CRB3: variants seen among roughly 807,000 people sequenced by gnomAD.
CRB3 encodes the protein protein crumbs homolog 3.
A neutral mutation model predicts 10.4 loss-of-function variants in CRB3; 4 were observed. The observed-to-expected ratio is 0.39, with a 90% CI of 0.19 to 0.88. CRB3 has a LOEUF of 0.88. CRB3 is among the 40% of genes least tolerant of loss of function. CRB3 has a pLI of 0.39. For synonymous variants in CRB3, 74 were observed against 73.4 expected (o/e 1.01, Z -0.04); for missense variants, 154 against 160.2 (o/e 0.96, Z 0.21).
In CRB3 at chr19:6,465,551, C is replaced by G. The variant is rs146649807; in HGVS notation, c.89C>G (p.Thr30Ser). ...RWGRAWGQIQ[T>S]TSANENSTVL... Reference sequence around the variant, plus strand: ...CTGCCTTCACCCTCCACAGTACAGACCACTTCTGCAAATGAGAATAGCACT... The same window carrying G: ...CTGCCTTCACCCTCCACAGTACAGAGCACTTCTGCAAATGAGAATAGCACT... Residue 30 changes from threonine to serine, a missense_variant, in exon 3 of 4, where the codon ACC (threonine) becomes AGC (serine). Coordinates refer to ENST00000600229, the MANE Select transcript of CRB3 (RefSeq NM_139161.5). 29 of 1,613,684 alleles carry G rather than the reference C, an allele frequency of 1.8e-5. No individual in the cohort carries two copies. In the African/African-American group the frequency reaches 3.5e-4, roughly 19 times the overall value.
At chr19:6,465,314 C>A (rs2092788975) in intron 2 of CRB3, 5 of 559,002 alleles carry the variant, frequency 8.9e-6, no homozygotes, top group South Asian at 8.9e-5. Flanking sequence ...GACTTCTGGA[C>A]ACCCTACTGG....
chr19:6,467,002 C>A lies in CRB3; in HGVS notation c.*330C>A. ...CCCTCAGGACTCCAAGGAGACGGTG[C>A]AGGGCTGCCTGCCCATCTAGGTCCC... On this transcript the variant is annotated 3_prime_UTR_variant, in exon 4 of 4. Transcript: ENST00000600229. The A allele has an allele frequency of 2.5e-6, 4 of 1,613,884 alleles. No individual in the cohort carries two copies. The highest frequency in any genetic ancestry group is 3.4e-6 in the Non-Finnish European group (4 of 1,179,862).
In CRB3 at chr19:6,466,453, C is replaced by G; in HGVS notation, c.157-13C>G. 6.2e-7 allele frequency: 1 copy of G among 1,612,604 alleles called. No homozygotes were observed. The highest frequency in any genetic ancestry group is 8.5e-7 in the Non-Finnish European group (1 of 1,179,472). ...CCAGGCTCAGGTGATTCACACCTGT[C>G]CCCTCTCTGCAGCGTCCAGAAGCCA... is the stretch of plus-strand genomic sequence containing the variant. On this transcript the variant is annotated splice_polypyrimidine_tract_variant and intron_variant, in intron 3 of 3. Transcript: ENST00000600229. This position sits in a 1 kb window ranked among gnomAD's most constrained non-coding sequence, Gnocchi z 4.9.
Position 6,466,370 on chromosome 19 carries a change from T to G in CRB3, c.157-96T>G. ...GCAGATGTGTGTATGTGTGTGTGTG[T>G]GTTGTGGGGTAGGGGGTGATGAGGG... On this transcript the variant is annotated intron_variant, in intron 3 of 3. Coordinates refer to ENST00000600229, the MANE Select transcript of CRB3 (RefSeq NM_139161.5). This position sits in a 1 kb window ranked among gnomAD's most constrained non-coding sequence, Gnocchi z 4.9. The G allele has an allele frequency of 1.1e-6, 1 of 944,350 alleles. No homozygotes were observed. The highest frequency in any genetic ancestry group is 1.7e-6 in the Non-Finnish European group (1 of 593,234). The allele number at this position is 944,350 out of a possible 1,614,324, so 58.5% of individuals were successfully genotyped here. A position where few individuals can be genotyped will look rare whatever the true frequency, so the allele number is the denominator to read the frequency against.
Position 6,464,335 on chromosome 19 carries a change from A to G in CRB3, c.-110A>G. 1 of 196,400 alleles carries G rather than the reference A, an allele frequency of 5.1e-6. No individual in the cohort carries two copies. The highest frequency in any genetic ancestry group is 1.0e-5 in the Non-Finnish European group (1 of 97,290). 12.2% of individuals were successfully genotyped at this position (196,400 alleles called of 1,614,324 possible). A position where few individuals can be genotyped will look rare whatever the true frequency, so the allele number is the denominator to read the frequency against. Reference sequence around the variant, plus strand: ...CGGACCAGGAACCTGAGCTAGGTCAAAGACGCCCGGGCCAGGTAGGAAGGC... The same window carrying G: ...CGGACCAGGAACCTGAGCTAGGTCAGAGACGCCCGGGCCAGGTAGGAAGGC... On this transcript the variant is annotated 5_prime_UTR_variant, in exon 1 of 4. Coordinates refer to ENST00000600229, the MANE Select transcript of CRB3 (RefSeq NM_139161.5). The surrounding 1 kb of genome is among the most constrained non-coding windows in gnomAD (Gnocchi z 5.3).
Position 6,467,023 on chromosome 19 carries a change from G to C in CRB3, c.*351G>C, listed in dbSNP as rs371291773. On this transcript the variant is annotated 3_prime_UTR_variant, in exon 4 of 4. Transcript: ENST00000600229. ...GGTGCAGGGCTGCCTGCCCATCTAG[G>C]TCCCCTCTCCTGCATCTGTCTCCCT... The C allele has an allele frequency of 2.5e-6, 4 of 1,613,434 alleles. No homozygotes were observed. The African/African-American group carries it at 5.3e-5, about 22-fold the overall frequency.
upstream of CRB3, chr19:6,464,029 A>T (rs1185449129): frequency 6.6e-6 from 1 of 152,190 alleles, no homozygotes; most frequent in Non-Finnish European, 1.5e-5. The surrounding 1 kb of genome is among the most constrained non-coding windows in gnomAD (Gnocchi z 5.3). Context: ...GCTCCCACAG[A>T]TATGCTCGCA....
chr19:6,464,374 A>C lies in CRB3; in HGVS notation c.-95+24A>C. 7 of 244,802 alleles carry C rather than the reference A, an allele frequency of 2.9e-5. No homozygotes were observed. Among genetic ancestry groups the C allele is most frequent in the Non-Finnish European group, 3.9e-5 (5 of 128,248 alleles). The allele number at this position is 244,802 out of a possible 1,614,324, so 15.2% of individuals were successfully genotyped here. On this transcript the variant is annotated intron_variant, in intron 1 of 3. Coordinates refer to ENST00000600229, the MANE Select transcript of CRB3 (RefSeq NM_139161.5). The surrounding 1 kb of genome is among the most constrained non-coding windows in gnomAD (Gnocchi z 5.3). ...AGGTAGGAAGGCAGGACGCACCGCTAGGCCTGCCCCCTCGCCCGTCCACCC... is the reference window on the plus strand; with the variant it reads ...AGGTAGGAAGGCAGGACGCACCGCTCGGCCTGCCCCCTCGCCCGTCCACCC...
In CRB3 at chr19:6,466,840, GC is replaced by G; in HGVS notation, c.*169del. The G allele has an allele frequency of 6.4e-7, 1 of 1,559,944 alleles. No homozygotes were observed. The highest frequency in any genetic ancestry group is 8.7e-7 in the Non-Finnish European group (1 of 1,151,174). On this transcript the variant is annotated 3_prime_UTR_variant, in exon 4 of 4. Coordinates refer to ENST00000600229, the MANE Select transcript of CRB3 (RefSeq NM_139161.5). The surrounding 1 kb of genome is among the most constrained non-coding windows in gnomAD (Gnocchi z 4.9). Reference sequence around the variant, plus strand: ...CTGTGCAGCATGTTGCCTCTGCTTGGCTGTGCCTGCAGCTCAGGGTGCTGGG... The same window carrying G: ...CTGTGCAGCATGTTGCCTCTGCTTGGTGTGCCTGCAGCTCAGGGTGCTGGG...
chr19:6,466,782 G>C lies in CRB3; in HGVS notation c.*110G>C. The C allele has an allele frequency of 6.5e-7, 1 of 1,550,100 alleles. No homozygotes were observed. Among genetic ancestry groups the C allele is most frequent in the Non-Finnish European group, 8.7e-7 (1 of 1,150,488 alleles). On this transcript the variant is annotated 3_prime_UTR_variant, in exon 4 of 4. Transcript: ENST00000600229. The surrounding 1 kb of genome is among the most constrained non-coding windows in gnomAD (Gnocchi z 4.9). ...CCTCTGATGGCTCAGGAGGACTTGT[G>C]GGGAGAGGCTGGGGGCACCCATGTG... is the stretch of plus-strand genomic sequence containing the variant.
At position 6,464,669 on chromosome 19, in the gene CRB3, C is replaced by T; in HGVS notation, c.-33C>T. The T allele has an allele frequency of 8.2e-7, 1 of 1,217,744 alleles. No individual in the cohort carries two copies. The highest frequency in any genetic ancestry group is 3.2e-5 in the East Asian group (1 of 31,726). 75.4% of individuals were successfully genotyped at this position (1,217,744 alleles called of 1,614,324 possible). On this transcript the variant is annotated 5_prime_UTR_variant, in exon 2 of 4. Transcript: ENST00000600229. The surrounding 1 kb of genome is among the most constrained non-coding windows in gnomAD (Gnocchi z 5.3). ...TAGGAGGGGCGAGCGCGAGAAGCCCCTTCCTCGGCGCTGCCAACCCGCCAC... is the reference window on the plus strand; with the variant it reads ...TAGGAGGGGCGAGCGCGAGAAGCCCTTTCCTCGGCGCTGCCAACCCGCCAC...
chr19:6,467,083 C>CAGAGAGG lies in CRB3; in HGVS notation c.*411_*412insAGAGAGG. On this transcript the variant is annotated 3_prime_UTR_variant, in exon 4 of 4. Coordinates refer to ENST00000600229, the MANE Select transcript of CRB3 (RefSeq NM_139161.5). Reference sequence around the variant, plus strand: ...TGTGACCTTGGGGAAAGGCAGTGCCCTCTCTGGGCAGTCAGATCCACCCAG... The same window carrying CAGAGAGG: ...TGTGACCTTGGGGAAAGGCAGTGCCCAGAGAGGTCTCTGGGCAGTCAGATCCACCCAG... The CAGAGAGG allele has an allele frequency of 1.3e-6, 2 of 1,488,008 alleles. No individual in the cohort carries two copies. Among genetic ancestry groups the CAGAGAGG allele is most frequent in the Non-Finnish European group, 1.9e-6 (2 of 1,069,794 alleles). 92.2% of individuals were successfully genotyped at this position (1,488,008 alleles called of 1,614,324 possible).
Position 6,465,626 on chromosome 19 carries a change from G to A in CRB3, c.156+8G>A. ...AGCTCCGATGGCAACCTGGTGAGTT[G>A]GAGGTATATGTGGGAAGATGGCAGC... is the stretch of plus-strand genomic sequence containing the variant. On this transcript the variant is annotated splice_region_variant and intron_variant, in intron 3 of 3. Coordinates refer to ENST00000600229, the MANE Select transcript of CRB3 (RefSeq NM_139161.5). 1.2e-6 allele frequency: 2 copies of A among 1,609,794 alleles called. No homozygotes were observed. The highest frequency in any genetic ancestry group is 1.7e-6 in the Non-Finnish European group (2 of 1,176,046).
At position 6,464,598 on chromosome 19, in the gene CRB3, C is replaced by T; in HGVS notation, c.-94-10C>T. 1.5e-6 allele frequency: 1 copy of T among 662,648 alleles called. No homozygotes were observed. Among genetic ancestry groups the T allele is most frequent in the Non-Finnish European group, 2.1e-6 (1 of 468,496 alleles). 41.0% of individuals were successfully genotyped at this position (662,648 alleles called of 1,614,324 possible). A position where few individuals can be genotyped will look rare whatever the true frequency, so the allele number is the denominator to read the frequency against. ...CCCAACGCCTGGGCCTCTCCTTCTC[C>T]TGTCCCCAGGTGCCCCGTCGCAGGT... On this transcript the variant is annotated splice_polypyrimidine_tract_variant and intron_variant, in intron 1 of 3. Transcript: ENST00000600229. The surrounding 1 kb of genome is among the most constrained non-coding windows in gnomAD (Gnocchi z 5.3).
rs1476805384 is a variant in CRB3 at position 6,464,917 on chromosome 19, G to C, written c.82+134G>C. On this transcript the variant is annotated intron_variant, in intron 2 of 3. Transcript: ENST00000600229. The surrounding 1 kb of genome is among the most constrained non-coding windows in gnomAD (Gnocchi z 5.3). ...TTGGGGAGCGGGGAAGAAATACCTT[G>C]GGGAGGGGTCTACAGGGTTAGGGCT... 1.3e-5 allele frequency: 6 copies of C among 453,864 alleles called. No individual in the cohort carries two copies. The highest frequency in any genetic ancestry group is 2.2e-5 in the Non-Finnish European group (6 of 276,168). The allele number at this position is 453,864 out of a possible 1,614,324, so 28.1% of individuals were successfully genotyped here. A position where few individuals can be genotyped will look rare whatever the true frequency, so the allele number is the denominator to read the frequency against.
intron 2 of CRB3, chr19:6,465,066 G>T (rs1003474893): frequency 2.9e-6 from 1 of 339,924 alleles, no homozygotes; most frequent in Non-Finnish European, 5.3e-6. Flanking sequence ...TTGGGGGGAG[G>T]TAAGGGCTGC....
At position 6,467,209 on chromosome 19, in the gene CRB3, A is replaced by C; in HGVS notation, c.*537A>C. On this transcript the variant is annotated 3_prime_UTR_variant, in exon 4 of 4. Transcript: ENST00000600229. ...ATATATTTATATAAAATTAGTAGTG[A>C]GATGTAACAAAAGCTTTATTGGTGT... is the stretch of plus-strand genomic sequence containing the variant. The C allele has an allele frequency of 1.9e-6, 1 of 528,298 alleles. No homozygotes were observed. The highest frequency in any genetic ancestry group is 3.2e-6 in the Non-Finnish European group (1 of 311,552). 32.7% of individuals were successfully genotyped at this position (528,298 alleles called of 1,614,324 possible). A position where few individuals can be genotyped will look rare whatever the true frequency, so the allele number is the denominator to read the frequency against.
intron 3 of CRB3, among the ~76,000 whole-genome samples, chr19:6,465,866 G>C (rs546905585): frequency 9.9e-5 from 15 of 152,096 alleles, no homozygotes; most frequent in African/African-American, 3.6e-4. Flanking sequence ...CTCTCAGGTG[G>C]GTGGGGGAGC....
Position 6,466,343 on chromosome 19 carries a change from T to C in CRB3, c.157-123T>C. ...ACTGTGGGGATCAGATCACCAAAAG[T>C]GGCAGATGTGTGTATGTGTGTGTGT... On this transcript the variant is annotated intron_variant, in intron 3 of 3. Transcript: ENST00000600229. The surrounding 1 kb of genome is among the most constrained non-coding windows in gnomAD (Gnocchi z 4.9). 1.2e-6 allele frequency: 1 copy of C among 827,582 alleles called. No homozygotes were observed. Among genetic ancestry groups the C allele is most frequent in the Admixed American group, 1.9e-5 (1 of 51,498 alleles). The allele number at this position is 827,582 out of a possible 1,614,324, so 51.3% of individuals were successfully genotyped here.
Sources: gnomAD v4.1 joint callset for allele counts (sites outside exome capture counted in the v4.1 genomes callset) on GRCh38, gnomAD v4.1.1 for gene constraint, Gnocchi (gnomAD v3.1) non-coding constraint, MANE v1.5 for transcripts, NCBI Gene and HGNC (gene_info 2026-07-23, HGNC 2026-07-21) for gene names.